PDYN: variants seen among roughly 807,000 people sequenced by gnomAD.
The protein encoded by PDYN is prodynorphin.
Under a neutral mutation model 11.4 loss-of-function variants are expected in PDYN, and 5 were observed. The ratio of observed to expected loss-of-function variants is 0.44; its 90% CI spans 0.23 to 0.92. PDYN has a LOEUF of 0.92. PDYN is among the 40% of genes least tolerant of loss of function. The pLI is 0.24. For missense variants in PDYN, 337 were observed against 317.3 expected (o/e 1.06, Z -0.47); for synonymous variants, 132 against 129.5 (o/e 1.02, Z -0.13).
chr20:1,991,622 C>A (rs577618808), intron 2 of PDYN, among the ~76,000 whole-genome samples: 1 of 152,320 alleles, frequency 6.6e-6, no homozygotes, highest in East Asian at 1.9e-4. Context: ...TCAGACCCAG[C>A]AAGATTAGCC....
chr20:1,991,029 G>C (rs1988419272), intron 2 of PDYN, among the ~76,000 whole-genome samples: 1 of 151,324 alleles, frequency 6.6e-6, no homozygotes, highest in Admixed American at 6.6e-5. Flanking sequence ...AGGAGGGGAA[G>C]AAGAGGGAAA....
At position 1,980,483 on chromosome 20, in the gene PDYN, T is replaced by C. The variant is rs777476644; in HGVS notation, c.605A>G (p.Asp202Gly). The change falls in exon 4 of 4, where the codon GAC becomes GGC. Residue 202 changes from aspartate (D) to glycine (G), a missense_variant. By Grantham distance (94) the Asp-to-Gly change is moderately conservative (BLOSUM62 -1). Transcript: ENST00000217305. The stretch of plus-strand genomic sequence containing the variant: ...GAAGCCCCCATAGCGTTTGTACAGG[T>C]CCTCATGGCCCATGCTATCCCCGTC... Reference protein sequence around the residue: ...EGDGDSMGHEDLYKRYGGFLR... With the variant: ...EGDGDSMGHEGLYKRYGGFLR... The C allele has an allele frequency of 6.2e-7, 1 of 1,613,002 alleles. No homozygotes were observed. The highest frequency in any genetic ancestry group is 1.1e-5 in the South Asian group (1 of 91,054).
chr20:1,982,927 G>A, intron 3 of PDYN, 29 bp downstream of exon 3: 1 of 1,610,376 alleles, frequency 6.2e-7, no homozygotes, highest in Non-Finnish European at 8.5e-7. Flanking sequence ...CAAGGACCTG[G>A]GCATTGAAGA....
chr20:1,982,821 A>G (rs902712344), intron 3 of PDYN, 135 bp downstream of exon 3: 12 of 900,860 alleles, frequency 1.3e-5, no homozygotes, highest in Non-Finnish European at 1.8e-5. Context: ...ATAGGGCAGG[A>G]CACCCACCAC....
At chr20:1,993,059 T>TC (rs1988519182) in intron 1 of PDYN, among the ~76,000 whole-genome samples, 1 of 151,092 alleles carries the variant, frequency 6.6e-6, no homozygotes, top group Non-Finnish European at 1.5e-5. Context: ...AGGCTTTTTT[T>TC]TTTTTTTTTT....
At chr20:1,987,301 G>A (rs1988233063) in intron 2 of PDYN, among the ~76,000 whole-genome samples, 1 of 152,110 alleles carries the variant, frequency 6.6e-6, no homozygotes, top group African/African-American at 2.4e-5. Context: ...CCTCATACAG[G>A]GCTAGAATGA....
chr20:1,984,833 A>G (rs766500711), intron 2 of PDYN, among the ~76,000 whole-genome samples: 2 of 152,006 alleles, frequency 1.3e-5, no homozygotes, highest in Non-Finnish European at 2.9e-5. Flanking sequence ...CAGGAGGAAG[A>G]GGTTGCAGTG....
At chr20:1,990,421 A>G (rs1988382581) in intron 2 of PDYN, among the ~76,000 whole-genome samples, 1 of 152,224 alleles carries the variant, frequency 6.6e-6, no homozygotes, top group African/African-American at 2.4e-5. Flanking sequence ...GGTGGTTGGC[A>G]AAGGGAGCCC....
chr20:1,987,049 TA>T (rs1988219104), intron 2 of PDYN, among the ~76,000 whole-genome samples: 1 of 151,936 alleles, frequency 6.6e-6, no homozygotes, highest in African/African-American at 2.4e-5. Context: ...TATGGGCAGG[TA>T]GGGGGGTCGC....
In PDYN at chr20:1,983,011, C is replaced by T. The variant is rs369559888; in HGVS notation, c.74G>A (p.Arg25Gln). 5.6e-5 allele frequency: 91 copies of T among 1,613,896 alleles called. No homozygotes were observed. Among genetic ancestry groups the T allele is most frequent in the South Asian group, 1.3e-4 (12 of 91,084 alleles). Residue 25 changes from arginine to glutamine, a missense_variant, in exon 3 of 4, where the codon CGG becomes CAG. By Grantham distance (43) the Arg-to-Gln change is conservative. Transcript: ENST00000217305. ...FPSTTADCLS[R>Q]CSLCAVKTQD... The stretch of plus-strand genomic sequence containing the variant: ...GGTCTTTACAGCACACAAGGAGCAC[C>T]GCGACAGGCAGTCCGCTGTGGTGGA...
rs1987578888 is a variant in PDYN, at chr20:1,979,482, A to C, written c.*841T>G. 1 of 152,250 alleles carries C rather than the reference A, an allele frequency of 6.6e-6. No homozygotes were observed. Among genetic ancestry groups the C allele is most frequent in the South Asian group, 2.1e-4 (1 of 4,822 alleles). The allele number at this position is 152,250 out of a possible 1,614,324, so 9.4% of individuals were successfully genotyped here. ...CATTTTGAGTTTGTTGCACAGAACA[A>C]ATTGGTTTGCCTTTCTCCCTCCTTG... On this transcript the variant is annotated 3_prime_UTR_variant, in exon 4 of 4. Transcript: ENST00000217305.
intron 2 of PDYN, among the ~76,000 whole-genome samples, chr20:1,990,407 T>A (rs548213568): frequency 1.3e-5 from 2 of 152,208 alleles, no homozygotes; most frequent in Non-Finnish European, 2.9e-5. Context: ...CTTGTGGGTC[T>A]CCAGGTGGTT....
chr20:1,980,507 T>A lies in PDYN; in HGVS notation c.581A>T (p.Asp194Val), dbSNP rs775092514. The A allele has an allele frequency of 6.2e-7, 1 of 1,612,794 alleles. No individual in the cohort carries two copies. Among genetic ancestry groups the A allele is most frequent in the East Asian group, 2.2e-5 (1 of 44,852 alleles). Reference sequence around the variant, plus strand: ...GTCCTCATGGCCCATGCTATCCCCGTCCCCCTCCCCAGCCACCTCTGAGCT... The same window carrying A: ...GTCCTCATGGCCCATGCTATCCCCGACCCCCTCCCCAGCCACCTCTGAGCT... Reference protein sequence around the residue: ...KRSSEVAGEGDGDSMGHEDLY... With the variant: ...KRSSEVAGEGVGDSMGHEDLY... The change falls in exon 4 of 4, where the codon GAC becomes GTC. Residue 194 changes from aspartate (D) to valine (V), a missense_variant. Physicochemically the swap from Asp to Val is radical, Grantham distance 152. Transcript: ENST00000217305.
rs77727400 is a variant in PDYN at position 1,983,018 on chromosome 20, G to A, written c.67C>T (p.Leu23=). The A allele has an allele frequency of 1.9e-4, 306 of 1,614,084 alleles. No homozygotes were observed. The African/African-American group carries it at 3.7e-3, about 19-fold the overall frequency. ...ACAGCACACAAGGAGCACCGCGACA[G>A]GCAGTCCGCTGTGGTGGAGGGGAAC... The part of the protein sequence containing the change: ...LMFPSTTADC[L]SRCSLCAVKT... The change falls in exon 3 of 4, where the codon CTG becomes TTG. Residue 23 remains leucine (L), a synonymous_variant. Transcript: ENST00000217305.
intron 2 of PDYN, among the ~76,000 whole-genome samples, chr20:1,986,221 C>G (rs2122365924): frequency 6.6e-6 from 1 of 152,302 alleles, no homozygotes; most frequent in South Asian, 2.1e-4. Context: ...GATTCTAGAG[C>G]CTGCCAAGAT....
At chr20:1,981,697 T>C (rs1410020346) in intron 3 of PDYN, among the ~76,000 whole-genome samples, 2 of 151,688 alleles carry the variant, frequency 1.3e-5, no homozygotes, top group African/African-American at 4.8e-5. Context: ...AGACCAAAGC[T>C]GGCGGATCAC....
intron 1 of PDYN, 100 bp from the exon 2 acceptor site, chr20:1,992,743 G>A (rs1363798856): frequency 6.6e-6 from 1 of 152,364 alleles, no homozygotes; most frequent in African/African-American, 2.4e-5. Flanking sequence ...GTGAGGCCTG[G>A]GGTGAGAAAG....
Position 1,980,466 on chromosome 20 carries a change from C to T in PDYN, c.622G>A (p.Gly208Arg). ...GGACGAATGCGCCGCAAGAAGCCCC[C>T]ATAGCGTTTGTACAGGTCCTCATGG... is the stretch of plus-strand genomic sequence containing the variant. ...MGHEDLYKRY[G>R]GFLRRIRPKL... Residue 208 changes from glycine (G) to arginine (R), a missense_variant, in exon 4 of 4, where the codon GGG becomes AGG. Transcript: ENST00000217305. 6.2e-7 allele frequency: 1 copy of T among 1,613,214 alleles called. No individual in the cohort carries two copies. The highest frequency in any genetic ancestry group is 8.5e-7 in the Non-Finnish European group (1 of 1,179,338).
rs544216399 is a variant in PDYN, at chr20:1,985,671, G to A, written c.-19-2568C>T. 2.6e-5 allele frequency among the ~76,000 whole-genome samples: 4 copies of A among 152,212 alleles called. No individual in the cohort carries two copies. The South Asian group carries it at 6.2e-4, about 24-fold the overall frequency. On this transcript the variant is annotated intron_variant, in intron 2 of 3. Coordinates refer to ENST00000217305, the MANE Select transcript of PDYN (RefSeq NM_024411.5). ...ATAGCAATTCGAGGCATAAGCTCAG[G>A]CCCATGTGCCTCGCTTGAGGCTGGC...
Sources: allele counts gnomAD v4.1 joint callset (sites outside exome capture counted in the v4.1 genomes callset), GRCh38; gene constraint gnomAD v4.1.1; transcripts MANE v1.5; gene names NCBI Gene and HGNC (gene_info 2026-07-23, HGNC 2026-07-21).